The following DAOA variants were observed in gnomAD, a reference collection of about 807,000 sequenced individuals.
DAOA encodes the protein D-amino acid oxidase activator, also known as D-amino acid oxidase regulator.
In DAOA, 15 loss-of-function variants were observed where a neutral mutation model predicts 16.4. The ratio of observed to expected loss-of-function variants is 0.91; its 90% confidence interval spans 0.61 to 1.41. The LOEUF is 1.41. DAOA is among the 40% of genes most tolerant of loss of function. DAOA has a pLI of 0.00. For missense variants in DAOA, 230 were observed against 176.8 expected, an observed-to-expected ratio of 1.30 and a Z score of -1.71; for synonymous variants, 75 against 59.1, an observed-to-expected ratio of 1.27 and a Z score of -1.23.
chr13:105,489,248 G>A (rs1229774403), intron 4 of DAOA, among the ~76,000 whole-genome samples: 1 of 152,200 alleles, frequency 6.6e-6, no homozygotes, highest in East Asian at 1.9e-4. Context: ...TTAATAGCAT[G>A]AGGTCTGAAG....
intron 4 of DAOA, among the ~76,000 whole-genome samples, chr13:105,487,033 C>A (rs187595228): frequency 6.6e-6 from 1 of 152,154 alleles, no homozygotes; most frequent in East Asian, 1.9e-4. Flanking sequence ...AATCCTAAAA[C>A]CTTAGATTAT....
intron 4 of DAOA, among the ~76,000 whole-genome samples, chr13:105,486,306 AC>A (rs772734753): frequency 6.6e-6 from 1 of 151,950 alleles, no homozygotes; most frequent in Non-Finnish European, 1.5e-5. Context: ...TAGTTGTCCT[AC>A]ACCCTGCCCC....
Position 105,491,022 on chromosome 13 carries a change from T to G in DAOA, c.*222T>G, listed in dbSNP as rs1204096307. 6.6e-6 allele frequency: 1 copy of G among 152,134 alleles called. No homozygotes were observed. Among genetic ancestry groups the G allele is most frequent in the Non-Finnish European group, 1.5e-5 (1 of 68,002 alleles). The allele number at this position is 152,134 out of a possible 1,614,324, so 9.4% of individuals were successfully genotyped here. A position where few individuals can be genotyped will look rare whatever the true frequency, so the allele number is the denominator to read the frequency against. Reference sequence around the variant, plus strand: ...AATCTCTCTTTTTATTAAATGTGCTTCAAGTTTTAACAACTGACTTTTGTT... The same window carrying G: ...AATCTCTCTTTTTATTAAATGTGCTGCAAGTTTTAACAACTGACTTTTGTT... On this transcript the variant is annotated 3_prime_UTR_variant, in exon 6 of 6. Coordinates refer to ENST00000375936, the MANE Select transcript of DAOA (RefSeq NM_172370.5).
intron 4 of DAOA, among the ~76,000 whole-genome samples, chr13:105,487,470 T>C (rs536353594): frequency 4.1e-4 from 63 of 152,274 alleles, no homozygotes; most frequent in African/African-American, 1.5e-3. Context: ...TTCCCTGTCT[T>C]TGGAATTTAC....
At chr13:105,485,893 C>A (rs1412295906) in intron 4 of DAOA, among the ~76,000 whole-genome samples, 1 of 152,154 alleles carries the variant, frequency 6.6e-6, no homozygotes, top group Non-Finnish European at 1.5e-5. Context: ...CTGCTGAAAC[C>A]TCCATCCCAA....
chr13:105,488,794 C>A (rs1438626696), intron 4 of DAOA, among the ~76,000 whole-genome samples: 1 of 152,186 alleles, frequency 6.6e-6, no homozygotes, highest in South Asian at 2.1e-4. Flanking sequence ...AAGAAAATGT[C>A]CTCAATATGG....
chr13:105,479,644 G>A (rs917503671), intron 4 of DAOA, among the ~76,000 whole-genome samples: 6 of 152,220 alleles, frequency 3.9e-5, no homozygotes, highest in African/African-American at 1.4e-4. Context: ...TTCCTAGAAA[G>A]ACACCAGCAA....
intron 4 of DAOA, chr13:105,474,910 A>T: frequency 1.7e-6 from 1 of 591,922 alleles, no homozygotes; most frequent in Non-Finnish European, 2.1e-6. Context: ...ACTTGATGAT[A>T]AATCTGAAAT....
chr13:105,487,092 G>A (rs563201667), intron 4 of DAOA, among the ~76,000 whole-genome samples: 2 of 152,172 alleles, frequency 1.3e-5, no homozygotes, highest in South Asian at 4.1e-4. Flanking sequence ...GGAGGAAAAG[G>A]AGAGAGAACA....
chr13:105,472,211 G>A (rs1242060444), intron 3 of DAOA, among the ~76,000 whole-genome samples: 2 of 152,186 alleles, frequency 1.3e-5, no homozygotes, highest in Non-Finnish European at 2.9e-5. Context: ...TCCATTTCAT[G>A]AGGAACAAAG....
chr13:105,476,854 T>C (rs1877377625), intron 4 of DAOA, among the ~76,000 whole-genome samples: 1 of 152,020 alleles, frequency 6.6e-6, no homozygotes, highest in Non-Finnish European at 1.5e-5. Flanking sequence ...TCAAGCACAG[T>C]TCCTTCACCC....
At chr13:105,485,041 T>A (rs963864155) in intron 4 of DAOA, among the ~76,000 whole-genome samples, 1 of 152,208 alleles carries the variant, frequency 6.6e-6, no homozygotes, top group East Asian at 1.9e-4. Flanking sequence ...CTGGTCCTTT[T>A]TGTTCATATT....
chr13:105,467,162 A>T, intron 3 of DAOA, 21 bp downstream of exon 3: 1 of 1,569,744 alleles, frequency 6.4e-7, no homozygotes, highest in Non-Finnish European at 8.6e-7. Context: ...CTTTATCTTT[A>T]TATGAATTTA....
At chr13:105,473,770 A>T (rs918187162) in intron 4 of DAOA, among the ~76,000 whole-genome samples, 1 of 152,124 alleles carries the variant, frequency 6.6e-6, no homozygotes, top group Non-Finnish European at 1.5e-5. Flanking sequence ...TGTGAAGCAA[A>T]GTTAAATTTA....
intron 4 of DAOA, among the ~76,000 whole-genome samples, chr13:105,474,713 A>G (rs1179341629): frequency 1.3e-5 from 2 of 152,096 alleles, no homozygotes; most frequent in Admixed American, 1.3e-4. Context: ...AAAAGTTAAG[A>G]TTGCAATTAC....
chr13:105,474,033 A>G (rs1300190199), intron 4 of DAOA, among the ~76,000 whole-genome samples: 1 of 152,168 alleles, frequency 6.6e-6, no homozygotes, highest in Non-Finnish European at 1.5e-5. Context: ...GTACCATTCT[A>G]TAACAGGTGT....
chr13:105,466,391 G>A (rs1876517563), intron 2 of DAOA, 59 bp downstream of exon 2: 2 of 1,611,470 alleles, frequency 1.2e-6, no homozygotes, highest in South Asian at 1.1e-5. Context: ...ACATTTGCAT[G>A]GCAGCACAGA....
intron 3 of DAOA, among the ~76,000 whole-genome samples, chr13:105,467,985 C>G (rs999815907): frequency 1.1e-4 from 16 of 152,158 alleles, no homozygotes; most frequent in African/African-American, 3.9e-4. Context: ...CTTCTGGAGG[C>G]TCCAGGGCTG....
At chr13:105,474,552 A>G (rs1314062199) in intron 4 of DAOA, among the ~76,000 whole-genome samples, 1 of 152,172 alleles carries the variant, frequency 6.6e-6, no homozygotes, top group Non-Finnish European at 1.5e-5. Context: ...ACAAATTCGT[A>G]ATCAATTATT....
Sources: gnomAD v4.1 joint callset for allele counts (sites outside exome capture counted in the v4.1 genomes callset) on GRCh38, gnomAD v4.1.1 for gene constraint, MANE v1.5 for transcripts, NCBI Gene and HGNC (gene_info 2026-07-23, HGNC 2026-07-21) for gene names.